EPRS1: variants seen among roughly 807,000 people sequenced by gnomAD.
EPRS1 encodes the protein glutamyl-prolyl-tRNA synthetase 1.
EPRS1 carries 107 observed loss-of-function variants against 188.3 expected under a neutral mutation model. That is an observed-to-expected ratio of 0.57 (90% CI 0.49 to 0.67). EPRS1 has a LOEUF of 0.67. Among genes scored for constraint, EPRS1 ranks in the 30% least tolerant of loss-of-function variants. The pLI, the probability that EPRS1 is intolerant of heterozygous loss-of-function variation, is 0.00. For synonymous variants in EPRS1, 596 were observed against 593.1 expected, an observed-to-expected ratio of 1.00 and a Z score of -0.07; for missense variants, 1,577 against 1,802.2, an observed-to-expected ratio of 0.88 and a Z score of 2.26.
chr1:219,972,914 G>A (rs1660696930), intron 29 of EPRS1, among the ~76,000 whole-genome samples: 1 of 152,178 alleles, frequency 6.6e-6, no homozygotes, highest in African/African-American at 2.4e-5. Flanking sequence ...CTTCCCAGGT[G>A]CTGCCAATGT....
intron 13 of EPRS1, 30 bp from the exon 14 acceptor site, chr1:220,007,368 T>C: frequency 6.3e-7 from 1 of 1,594,704 alleles, no homozygotes; most frequent in Non-Finnish European, 8.5e-7. Context: ...AGAGTGTCTG[T>C]TGAAACAACA....
chr1:219,978,035 G>A (rs1323250502), intron 28 of EPRS1, among the ~76,000 whole-genome samples: 1 of 152,144 alleles, frequency 6.6e-6, no homozygotes, highest in Non-Finnish European at 1.5e-5. Flanking sequence ...ATACATGAAA[G>A]TTATATTACA....
In EPRS1 at chr1:220,002,952, A is replaced by G. The variant is rs1355291149; in HGVS notation, c.2064-1697T>C. The stretch of plus-strand genomic sequence containing the variant: ...AATGCAGCTGTAAACATTCATGTAC[A>G]CATTTTTGTGTGAACATGTTATTTT... On this transcript the variant is annotated intron_variant, in intron 16 of 31. Transcript: ENST00000366923. Among the ~76,000 whole-genome samples the G allele has an allele frequency of 3.3e-5, 5 of 152,378 alleles. No individual in the cohort carries two copies. The East Asian group carries it at 9.6e-4, about 29-fold the overall frequency.
chr1:220,018,285 C>A, intron 12 of EPRS1, 164 bp downstream of exon 12: 2 of 876,206 alleles, frequency 2.3e-6, no homozygotes, highest in Admixed American at 2.3e-5. Context: ...AATTAATGCT[C>A]TTCGTGTATT....
rs1343364504 is a variant in EPRS1 at position 220,006,119 on chromosome 1, T to C, written c.1937A>G (p.Asn646Ser). The C allele has an allele frequency of 3.9e-5, 61 of 1,576,484 alleles. No homozygotes were observed. Among genetic ancestry groups the C allele is most frequent in the Non-Finnish European group, 5.3e-5 (61 of 1,157,638 alleles). The change falls in exon 15 of 32, where the codon AAC becomes AGC. Residue 646 changes from asparagine to serine, a missense_variant. Coordinates refer to ENST00000366923, the MANE Select transcript of EPRS1 (RefSeq NM_004446.3). Reference protein sequence around the residue: ...GKDEDFKQYVNKNSKHEELML... With the variant: ...GKDEDFKQYVSKNSKHEELML... Reference sequence around the variant, plus strand: ...TTGGAAGGTTACCTTACTGTTCTTGTTGACATACTGCTTAAAGTCCTCGTC... The same window carrying C: ...TTGGAAGGTTACCTTACTGTTCTTGCTGACATACTGCTTAAAGTCCTCGTC...
rs1039885909 is a variant in EPRS1, at chr1:220,018,881, A to C, written c.1434+114T>G. 24 of 670,584 alleles carry C rather than the reference A, an allele frequency of 3.6e-5. No individual in the cohort carries two copies. The African/African-American group carries it at 4.2e-4, about 12-fold the overall frequency. The allele number at this position is 670,584 out of a possible 1,614,324, so 41.5% of individuals were successfully genotyped here. On this transcript the variant is annotated intron_variant, in intron 11 of 31. Transcript: ENST00000366923. ...AAAAAAAAAAATCTGCCCTTGGATC[A>C]TAAGGCACAAACAAGGAATAGAAAG...
rs566631300 is a variant in EPRS1 at position 219,983,944 on chromosome 1, A to AT, written c.3090+261dup. On this transcript the variant is annotated intron_variant, in intron 21 of 31. Coordinates refer to ENST00000366923, the MANE Select transcript of EPRS1 (RefSeq NM_004446.3). Reference sequence around the variant, plus strand: ...TCCAATCCTGCCTCTGCTATTGACTATATCTTTGTGGCTTTGAATTAATCC... The same window carrying AT: ...TCCAATCCTGCCTCTGCTATTGACTATTATCTTTGTGGCTTTGAATTAATCC... 2.1e-4 allele frequency among the ~76,000 whole-genome samples: 32 copies of AT among 151,682 alleles called. No individual in the cohort carries two copies. The South Asian group carries it at 5.8e-3, about 28-fold the overall frequency.
intron 5 of EPRS1, 145 bp downstream of exon 5, chr1:220,032,242 T>A (rs1662098892): frequency 2.0e-4 from 1 of 4,920 alleles, no homozygotes. Flanking sequence ...GCCCGGCTAA[T>A]TTTTTTTTTT....
intron 12 of EPRS1, chr1:220,018,182 A>T: frequency 7.1e-7 from 1 of 1,410,794 alleles, no homozygotes; most frequent in African/African-American, 1.4e-5. Context: ...GAGTGTTCAT[A>T]AAAAATTTAA....
Position 220,016,305 on chromosome 1 carries a change from T to C in EPRS1, c.1494+2144A>G, listed in dbSNP as rs567737448. On this transcript the variant is annotated intron_variant, in intron 12 of 31. Coordinates refer to ENST00000366923, the MANE Select transcript of EPRS1 (RefSeq NM_004446.3). ...GTTGCAGTGAGCCCAGATTGTGCCA[T>C]TGCACTCCAGCCTAAGTAACAGGGT... is the stretch of plus-strand genomic sequence containing the variant. Among the ~76,000 whole-genome samples, 343 of 149,132 alleles carry C rather than the reference T, an allele frequency of 2.3e-3. 1 individual carries two copies. Among genetic ancestry groups the C allele is most frequent in the African/African-American group, 7.8e-3 (313 of 40,260 alleles).
At chr1:219,980,046 C>T (rs1180195162) in intron 26 of EPRS1, 39 bp downstream of exon 26, 5 of 1,588,812 alleles carry the variant, frequency 3.1e-6, no homozygotes, top group Non-Finnish European at 4.3e-6. Flanking sequence ...ATGGACTGTG[C>T]TTACAGTGAC....
intron 12 of EPRS1, among the ~76,000 whole-genome samples, chr1:220,011,540 T>C (rs1467823649): frequency 1.3e-5 from 2 of 152,226 alleles, no homozygotes; most frequent in African/African-American, 4.8e-5. Context: ...ATTCGGTCAC[T>C]ATAATAAGGC....
chr1:219,986,557 T>C (rs1264102946), intron 20 of EPRS1, among the ~76,000 whole-genome samples: 1 of 152,202 alleles, frequency 6.6e-6, no homozygotes, highest in African/African-American at 2.4e-5. Context: ...TGTATGACCG[T>C]ACATTATTTA....
At position 220,020,013 on chromosome 1, in the gene EPRS1, C is replaced by A. The variant is rs748786725; in HGVS notation, c.1324G>T (p.Val442Phe). ...CATCCATCTACTAGTCCTTCATTGA[C>A]AAACCATGTGAGTTTTCTTTTGGAT... ...VLSKRKLTWF[V>F]NEGLVDGWDD... The change falls in exon 10 of 32, where the codon GTC becomes TTC. Residue 442 changes from valine (V) to phenylalanine (F), a missense_variant. This residue lies in a region of EPRS1 where 1,278 missense variants were observed against 1,457.4 expected (regional missense o/e 0.88). Coordinates refer to ENST00000366923, the MANE Select transcript of EPRS1 (RefSeq NM_004446.3). The A allele has an allele frequency of 6.2e-7, 1 of 1,613,352 alleles. No individual in the cohort carries two copies.
rs921911559 is a variant in EPRS1, at chr1:220,025,347, CAA to C, written c.624-91_624-90del. 4 of 934,056 alleles carry C rather than the reference CAA, an allele frequency of 4.3e-6. No homozygotes were observed. In the African/African-American group the frequency reaches 6.8e-5, roughly 16 times the overall value. The allele number at this position is 934,056 out of a possible 1,614,324, so 57.9% of individuals were successfully genotyped here. On this transcript the variant is annotated intron_variant, in intron 6 of 31. Coordinates refer to ENST00000366923, the MANE Select transcript of EPRS1 (RefSeq NM_004446.3). ...CCTTTTTGAGGAGATGAGAACTAAA[CAA>C]AAGTCCTTCTAATTGGTACCCAAGT...
At chr1:220,025,770 G>C (rs1661959685) in intron 6 of EPRS1, among the ~76,000 whole-genome samples, 1 of 151,728 alleles carries the variant, frequency 6.6e-6, no homozygotes, top group Non-Finnish European at 1.5e-5. Context: ...TCTAGGCTTT[G>C]GTTTTCTCAG....
intron 13 of EPRS1, among the ~76,000 whole-genome samples, chr1:220,010,593 C>T (rs534505138): frequency 1.3e-5 from 2 of 152,180 alleles, no homozygotes; most frequent in Admixed American, 6.5e-5. Flanking sequence ...AGGCAGATCA[C>T]GAGGTCAGGA....
chr1:219,972,875 C>A (rs1359334415), intron 29 of EPRS1, among the ~76,000 whole-genome samples: 1 of 152,174 alleles, frequency 6.6e-6, no homozygotes, highest in African/African-American at 2.4e-5. Flanking sequence ...AAATTAGTAT[C>A]TCTAGGAAGG....
At chr1:219,969,230 T>A in intron 30 of EPRS1, 108 bp from the exon 31 acceptor site, 1 of 764,976 alleles carries the variant, frequency 1.3e-6, no homozygotes, top group Non-Finnish European at 2.2e-6. Flanking sequence ...AGGATAGGTC[T>A]CCCAACCTTT....
Sources: allele counts gnomAD v4.1 joint callset (sites outside exome capture counted in the v4.1 genomes callset), GRCh38; gene constraint gnomAD v4.1.1; regional missense constraint gnomAD v4.1.1; transcripts MANE v1.5; gene names NCBI Gene and HGNC (gene_info 2026-07-23, HGNC 2026-07-21).